Variants in LYPD6 observed in about 807,000 individuals in gnomAD.
LYPD6 encodes the protein LY6/PLAUR domain containing 6, also known as ly6/PLAUR domain-containing protein 6.
LYPD6 carries 15 observed loss-of-function variants against 22.7 expected under a neutral mutation model. That is an observed-to-expected ratio of 0.66 (90% confidence interval 0.44 to 1.02). The LOEUF (loss-of-function observed/expected upper bound fraction) is 1.02. Ranked by LOEUF, LYPD6 falls within the 50% of genes least tolerant of loss-of-function variation. LYPD6 has a pLI of 0.00. For missense variants in LYPD6, 189 were observed against 208.4 expected (o/e 0.91, Z 0.57); for synonymous variants, 72 against 77.5 (o/e 0.93, Z 0.37).
chr2:149,462,609 C>T (rs531869708), intron 3 of LYPD6, among the ~76,000 whole-genome samples: 7 of 150,912 alleles, frequency 4.6e-5, no homozygotes, highest in Non-Finnish European at 8.9e-5. Flanking sequence ...ATAGCTAAAA[C>T]GATTTTGAAA....
chr2:149,330,186 G>A (rs1680901023), upstream of LYPD6: 1 of 152,100 alleles, frequency 6.6e-6, no homozygotes, highest in East Asian at 2.0e-4. Context: ...AGGCGCCAGG[G>A]GGTCGCGCAC....
Position 149,388,840 on chromosome 2 carries a change from G to A in LYPD6, c.-71-48798G>A, listed in dbSNP as rs560441120. ...GTTTTCAATAACATTCAAGTTAATA[G>A]TACTATGACTTAGATGAAAAGAAAA... On this transcript the variant is annotated intron_variant, in intron 1 of 4. Coordinates refer to ENST00000334166, the MANE Select transcript of LYPD6 (RefSeq NM_194317.5). Among the ~76,000 whole-genome samples the A allele has an allele frequency of 4.6e-5, 7 of 152,234 alleles. No individual in the cohort carries two copies. The East Asian group carries it at 9.7e-4, about 21-fold the overall frequency.
At chr2:149,462,406 A>G (rs559232817) in intron 3 of LYPD6, among the ~76,000 whole-genome samples, 65 of 152,088 alleles carry the variant, frequency 4.3e-4, no homozygotes, top group Non-Finnish European at 6.2e-4. Context: ...TGAAACGTCA[A>G]TGAAAAAAAT....
intron 3 of LYPD6, among the ~76,000 whole-genome samples, chr2:149,465,946 C>G (rs1465687296): frequency 6.6e-5 from 10 of 152,094 alleles, no homozygotes; most frequent in Admixed American, 6.6e-5. Context: ...GGTGGAAATT[C>G]AAATTCATCT....
At position 149,347,526 on chromosome 2, in the gene LYPD6, T is replaced by A. The variant is rs1046515923; in HGVS notation, c.-72+16804T>A. Among the ~76,000 whole-genome samples, 10 of 152,352 alleles carry A rather than the reference T, an allele frequency of 6.6e-5. No individual in the cohort carries two copies. The South Asian group carries it at 8.3e-4, about 13-fold the overall frequency. ...GGAATTGATTTGTTAAAGCGCTTGT[T>A]TATTTTAAGAATCAACCTAAAGGAA... On this transcript the variant is annotated intron_variant, in intron 1 of 4. Coordinates refer to ENST00000334166, the MANE Select transcript of LYPD6 (RefSeq NM_194317.5).
At chr2:149,408,853 T>C (rs1276624205) in intron 1 of LYPD6, among the ~76,000 whole-genome samples, 2 of 152,226 alleles carry the variant, frequency 1.3e-5, no homozygotes, top group African/African-American at 4.8e-5. Flanking sequence ...GACTTTGCCT[T>C]TCTCTGTTGC....
intron 3 of LYPD6, among the ~76,000 whole-genome samples, chr2:149,462,980 AG>A (rs1681119961): frequency 6.6e-6 from 1 of 152,114 alleles, no homozygotes; most frequent in South Asian, 2.1e-4. Flanking sequence ...ATCTAGGGCT[AG>A]GTGAGGTTCT....
chr2:149,479,425 C>T, the LYPD6 span, among the ~76,000 whole-genome samples: 2 of 152,158 alleles, frequency 1.3e-5, no homozygotes, highest in African/African-American at 4.8e-5. Flanking sequence ...CTAGAATGCT[C>T]TCCCCAAATT....
intron 2 of LYPD6, among the ~76,000 whole-genome samples, chr2:149,446,724 A>T (rs1683697843): frequency 6.6e-6 from 1 of 152,200 alleles, no homozygotes; most frequent in African/African-American, 2.4e-5. Context: ...AGATGGGCCC[A>T]TAAAAAGTTC....
chr2:149,425,553 G>A (rs1182788318), intron 1 of LYPD6, among the ~76,000 whole-genome samples: 2 of 152,122 alleles, frequency 1.3e-5, no homozygotes, highest in Non-Finnish European at 2.9e-5. Context: ...AAACAAAAAT[G>A]TTCTATTATC....
chr2:149,362,958 C>T (rs1184035688), intron 1 of LYPD6, among the ~76,000 whole-genome samples: 1 of 152,090 alleles, frequency 6.6e-6, no homozygotes, highest in African/African-American at 2.4e-5. Flanking sequence ...GGAAGCACCT[C>T]TTAGATGAGG....
At chr2:149,439,344 A>G (rs528304781) in intron 2 of LYPD6, among the ~76,000 whole-genome samples, 1 of 152,306 alleles carries the variant, frequency 6.6e-6, no homozygotes, top group African/African-American at 2.4e-5. Flanking sequence ...AATATGCATG[A>G]AGAGAAGGTG....
chr2:149,341,086 T>C (rs987368255), intron 1 of LYPD6, among the ~76,000 whole-genome samples: 6 of 152,204 alleles, frequency 3.9e-5, no homozygotes, highest in African/African-American at 1.4e-4. Flanking sequence ...AAAGGAATGG[T>C]ATTAGAAGTA....
intron 1 of LYPD6, among the ~76,000 whole-genome samples, chr2:149,428,771 C>G (rs1017831769): frequency 6.6e-6 from 1 of 152,154 alleles, no homozygotes; most frequent in Non-Finnish European, 1.5e-5. Context: ...CGAATGCCCC[C>G]TAGAACTTTG....
chr2:149,400,672 A>T (rs1002800583), intron 1 of LYPD6, among the ~76,000 whole-genome samples: 5 of 152,218 alleles, frequency 3.3e-5, no homozygotes, highest in Non-Finnish European at 7.3e-5. Flanking sequence ...ACAGCATTTT[A>T]CAAAAGTGTC....
At chr2:149,455,061 C>G (rs1680924006) in intron 3 of LYPD6, among the ~76,000 whole-genome samples, 1 of 152,074 alleles carries the variant, frequency 6.6e-6, no homozygotes, top group Non-Finnish European at 1.5e-5. Flanking sequence ...ATGTCAGGCA[C>G]CACTCAGGGG....
chr2:149,339,058 G>A (rs1338274088), intron 1 of LYPD6, among the ~76,000 whole-genome samples: 2 of 152,104 alleles, frequency 1.3e-5, no homozygotes, highest in Non-Finnish European at 1.5e-5. Flanking sequence ...ATTTTCTGAC[G>A]ACAGAATGTA....
chr2:149,426,958 T>G (rs1018314761), intron 1 of LYPD6, among the ~76,000 whole-genome samples: 2 of 152,120 alleles, frequency 1.3e-5, no homozygotes, highest in African/African-American at 2.4e-5. Flanking sequence ...AAAACTCAGT[T>G]CAAATAGTGC....
intron 1 of LYPD6, among the ~76,000 whole-genome samples, chr2:149,407,631 C>T (rs544469959): frequency 2.0e-5 from 3 of 152,128 alleles, no homozygotes; most frequent in Non-Finnish European, 2.9e-5. Context: ...GTTATACATT[C>T]GTCTAAATTT....
Sources: allele counts gnomAD v4.1 joint callset (sites outside exome capture counted in the v4.1 genomes callset), GRCh38; gene constraint gnomAD v4.1.1; transcripts MANE v1.5; gene names NCBI Gene and HGNC (gene_info 2026-07-23, HGNC 2026-07-21).